DPP6: variants seen among roughly 807,000 people sequenced by gnomAD.
DPP6 encodes the protein A-type potassium channel modulatory protein DPP6.
DPP6 carries 69 observed loss-of-function variants against 122.6 expected under a neutral mutation model. The observed-to-expected ratio is 0.56, with a 90% CI of 0.46 to 0.69. DPP6 has a LOEUF of 0.69. Among genes scored for constraint, DPP6 ranks in the 30% least tolerant of loss-of-function variants. The probability of loss-of-function intolerance (pLI) is 0.00; values close to 1 mark genes in which losing one functional copy is unlikely to be tolerated. For synonymous variants in DPP6, 418 were observed against 433.1 expected (o/e 0.97, Z 0.43); for missense variants, 928 against 1,116.9 (o/e 0.83, Z 2.41).
intron 1 of DPP6, among the ~76,000 whole-genome samples, chr7:154,063,588 A>G (rs1415737365): frequency 9.0e-5 from 8 of 88,988 alleles, no homozygotes; most frequent in Non-Finnish European, 2.3e-5. Flanking sequence ...GGCTGATAGT[A>G]CCCCCATCGC....
chr7:154,889,410 G>GT, intron 24 of DPP6, 47 bp from the exon 25 acceptor site: 2 of 1,597,790 alleles, frequency 1.3e-6, no homozygotes, highest in Non-Finnish European at 1.7e-6. Context: ...GGCACCATGG[G>GT]TTTTAACAAA....
the DPP6 span, among the ~76,000 whole-genome samples, chr7:153,798,265 T>C: frequency 6.6e-6 from 1 of 152,216 alleles, no homozygotes; most frequent in Non-Finnish European, 1.5e-5. Flanking sequence ...GGATTCAATA[T>C]ACAAATTTTA....
At chr7:153,806,450 G>A in the DPP6 span, among the ~76,000 whole-genome samples, 2 of 151,478 alleles carry the variant, frequency 1.3e-5, no homozygotes, top group Non-Finnish European at 2.9e-5. Flanking sequence ...CCCTGTTCAA[G>A]GCACCAGGAA....
the DPP6 span, among the ~76,000 whole-genome samples, chr7:153,800,652 G>A: frequency 6.6e-6 from 1 of 151,990 alleles, no homozygotes; most frequent in African/African-American, 2.4e-5. Flanking sequence ...AACTAGCTGA[G>A]ACTACAGGCA....
intron 1 of DPP6, among the ~76,000 whole-genome samples, chr7:153,913,548 G>C (rs1563227175): frequency 6.6e-6 from 1 of 152,180 alleles, no homozygotes; most frequent in Non-Finnish European, 1.5e-5. Context: ...TTCTAGAGCT[G>C]TAGTTTGGAC....
chr7:154,889,239 C>A, intron 23 of DPP6, 33 bp from the exon 24 acceptor site: 1 of 1,608,334 alleles, frequency 6.2e-7, no homozygotes, highest in South Asian at 1.1e-5. Flanking sequence ...AGTGCAGCCC[C>A]CTAACTCTGT....
chr7:154,871,014 A>G (rs4960631), intron 18 of DPP6, among the ~76,000 whole-genome samples: 40,968 of 149,452 alleles, frequency 0.27, 7,562 homozygotes, highest in East Asian at 0.54. Context: ...CCAATGGAGA[A>G]ACCATTGCCC....
chr7:154,674,760 A>G (rs968070211), intron 7 of DPP6, among the ~76,000 whole-genome samples: 2 of 152,180 alleles, frequency 1.3e-5, no homozygotes, highest in Non-Finnish European at 2.9e-5. Context: ...AACCTGCTGG[A>G]ACTGGGGAGA....
At chr7:153,783,795 C>G in the DPP6 span, among the ~76,000 whole-genome samples, 2 of 152,306 alleles carry the variant, frequency 1.3e-5, no homozygotes, top group African/African-American at 2.4e-5. Context: ...CAACTGCACA[C>G]ATAAGCACCA....
At chr7:154,699,288 A>AT (rs1484363707) in intron 7 of DPP6, among the ~76,000 whole-genome samples, 1 of 152,152 alleles carries the variant, frequency 6.6e-6, no homozygotes, top group Non-Finnish European at 1.5e-5. Context: ...AAAAAAATAG[A>AT]TTTTTTCATC....
intron 6 of DPP6, among the ~76,000 whole-genome samples, chr7:154,658,218 T>C (rs1837397160): frequency 6.6e-6 from 1 of 152,230 alleles, no homozygotes; most frequent in Non-Finnish European, 1.5e-5. Context: ...TTATCAATTA[T>C]ACCACATGCA....
At chr7:154,375,848 C>T (rs932254791) in intron 1 of DPP6, among the ~76,000 whole-genome samples, 26 of 152,180 alleles carry the variant, frequency 1.7e-4, no homozygotes, top group African/African-American at 4.8e-4. Context: ...CTATGACGCC[C>T]GCCAACTTTG....
intron 6 of DPP6, among the ~76,000 whole-genome samples, chr7:154,649,759 C>T (rs558565783): frequency 2.0e-5 from 3 of 152,314 alleles, no homozygotes; most frequent in Admixed American, 6.5e-5. Flanking sequence ...TCTCATCTCT[C>T]CAAATGATCT....
At chr7:154,510,158 G>A (rs567132432) in intron 3 of DPP6, among the ~76,000 whole-genome samples, 96 of 152,188 alleles carry the variant, frequency 6.3e-4, no homozygotes, top group African/African-American at 2.2e-3. Context: ...ATAAGATACT[G>A]GCCTACCCAG....
At chr7:154,439,963 C>G (rs554702428) in intron 1 of DPP6, among the ~76,000 whole-genome samples, 1 of 152,178 alleles carries the variant, frequency 6.6e-6, no homozygotes, top group African/African-American at 2.4e-5. Context: ...AGCAGTGAGA[C>G]GTCCCTTCTC....
chr7:154,189,721 G>T (rs893542843), intron 1 of DPP6, among the ~76,000 whole-genome samples: 35 of 152,180 alleles, frequency 2.3e-4, no homozygotes, highest in African/African-American at 6.0e-4. Context: ...GACCAGCGAG[G>T]CTATCTTTGT....
the DPP6 span, among the ~76,000 whole-genome samples, chr7:153,801,392 T>G: frequency 1.3e-5 from 2 of 152,066 alleles, no homozygotes; most frequent in Non-Finnish European, 2.9e-5. Flanking sequence ...CTCATTACCC[T>G]ATGGGTTCTT....
At chr7:154,873,415 C>T (rs1293685159) in intron 19 of DPP6, among the ~76,000 whole-genome samples, 4 of 152,110 alleles carry the variant, frequency 2.6e-5, no homozygotes, top group African/African-American at 7.2e-5. Flanking sequence ...TTCAAGACCA[C>T]GGAGCAGGAG....
intron 16 of DPP6, among the ~76,000 whole-genome samples, chr7:154,825,685 C>T (rs1057424793): frequency 2.6e-5 from 4 of 152,188 alleles, no homozygotes; most frequent in African/African-American, 4.8e-5. Flanking sequence ...GACTGCTTCC[C>T]GTGCCCCAAC....
Sources: gnomAD v4.1 joint callset for allele counts (sites outside exome capture counted in the v4.1 genomes callset) on GRCh38, gnomAD v4.1.1 for gene constraint, MANE v1.5 for transcripts, NCBI Gene and HGNC (gene_info 2026-07-23, HGNC 2026-07-21) for gene names.